ABCB7: variants seen among roughly 807,000 people sequenced by gnomAD.
The protein encoded by ABCB7 is ATP binding cassette subfamily B member 7.
ABCB7 carries 7 observed loss-of-function variants against 54.4 expected under a neutral mutation model. That is an observed-to-expected ratio of 0.13 (90% CI 0.07 to 0.24). ABCB7 has a LOEUF of 0.24. Ranked by LOEUF, ABCB7 falls within the 10% of genes least tolerant of loss-of-function variation. The probability of loss-of-function intolerance (pLI) is 1.00; values close to 1 mark genes in which losing one functional copy is unlikely to be tolerated. For missense variants in ABCB7, 356 were observed against 570.4 expected (o/e 0.62, Z 3.83); for synonymous variants, 218 against 207.1 (o/e 1.05, Z -0.45).
chrX:75,073,366 A>G (rs963398794), intron 8 of ABCB7, among the ~76,000 whole-genome samples: 30 of 111,647 alleles, frequency 2.7e-4, no homozygotes, highest in African/African-American at 9.8e-4. Flanking sequence ...CTACAATGTC[A>G]CTTGCTGACA....
chrX:75,117,228 A>G (rs2081828997), intron 1 of ABCB7, among the ~76,000 whole-genome samples: 1 of 109,580 alleles, frequency 9.1e-6, no homozygotes, highest in Non-Finnish European at 1.9e-5. Context: ...CAACCACATA[A>G]GAGACAATAC....
intron 15 of ABCB7, among the ~76,000 whole-genome samples, chrX:75,059,428 G>A (rs984957159): frequency 9.3e-6 from 1 of 107,766 alleles, no homozygotes; most frequent in Non-Finnish European, 1.9e-5. Context: ...CCGAGATCGC[G>A]CCACTGTACT....
rs769654110 is a variant in ABCB7, at chrX:75,120,132, T to C, written c.169-5301A>G. On this transcript the variant is annotated intron_variant, in intron 1 of 15. Transcript: ENST00000373394. ...TTAAAATGCTGCTGATCCTTTGTTT[T>C]ATTTTTCAGAGTCCAGAAAACTTTT... Among the ~76,000 whole-genome samples the C allele has an allele frequency of 2.7e-5, 3 of 112,362 alleles. No individual in the cohort carries two copies. The South Asian group carries it at 1.1e-3, about 41-fold the overall frequency.
chrX:75,149,206 T>C (rs896632091), intron 1 of ABCB7, among the ~76,000 whole-genome samples: 3 of 111,833 alleles, frequency 2.7e-5, no homozygotes, highest in African/African-American at 6.5e-5. Flanking sequence ...AGAGGACTAA[T>C]GAACATCCCA....
At chrX:75,114,130 C>G (rs1396224249) in intron 2 of ABCB7, among the ~76,000 whole-genome samples, 1 of 111,911 alleles carries the variant, frequency 8.9e-6, no homozygotes, top group African/African-American at 3.2e-5. Flanking sequence ...ATTTCTACAG[C>G]CTCTGCATAA....
At chrX:75,061,440 G>T (rs1392224905) in intron 14 of ABCB7, among the ~76,000 whole-genome samples, 1 of 111,209 alleles carries the variant, frequency 9.0e-6, no homozygotes, top group Non-Finnish European at 1.9e-5. Flanking sequence ...CTGTGAATGG[G>T]GTCTGGTCCT....
At chrX:75,087,660 C>T (rs992279835) in intron 4 of ABCB7, among the ~76,000 whole-genome samples, 4 of 111,295 alleles carry the variant, frequency 3.6e-5, no homozygotes, top group Non-Finnish European at 5.7e-5. Context: ...ATAACAGACA[C>T]GCAGAAGACT....
At chrX:75,153,123 G>A (rs1171650174) in intron 1 of ABCB7, among the ~76,000 whole-genome samples, 1 of 110,669 alleles carries the variant, frequency 9.0e-6, no homozygotes, top group African/African-American at 3.3e-5. Context: ...TGTCGCCCAG[G>A]CTGGAGTGCA....
intron 4 of ABCB7, among the ~76,000 whole-genome samples, chrX:75,079,930 C>G (rs915511394): frequency 8.9e-6 from 1 of 112,038 alleles, no homozygotes; most frequent in African/African-American, 3.2e-5. Context: ...TTGATCTCTA[C>G]AGTTTACTCA....
intron 3 of ABCB7, among the ~76,000 whole-genome samples, chrX:75,103,665 C>G (rs1016603091): frequency 9.2e-6 from 1 of 108,807 alleles, no homozygotes; most frequent in African/African-American, 3.3e-5. Flanking sequence ...GATGTTATAA[C>G]TATCCTTGTA....
intron 4 of ABCB7, among the ~76,000 whole-genome samples, chrX:75,096,903 G>A (rs2081596536): frequency 1.8e-5 from 2 of 109,782 alleles, no homozygotes; most frequent in South Asian, 7.9e-4. Context: ...TACTATTTCA[G>A]TACAAATTGC....
At chrX:75,084,200 T>C (rs1296787919) in intron 4 of ABCB7, among the ~76,000 whole-genome samples, 2 of 111,701 alleles carry the variant, frequency 1.8e-5, no homozygotes, top group Non-Finnish European at 3.8e-5. Flanking sequence ...ATGCCAAATA[T>C]CTTTATTTCG....
intron 6 of ABCB7, among the ~76,000 whole-genome samples, chrX:75,075,044 G>T (rs763389601): frequency 9.0e-6 from 1 of 111,516 alleles, no homozygotes; most frequent in East Asian, 2.8e-4. Context: ...TATGAATGGT[G>T]ATGAGAAACC....
At chrX:75,061,018 A>C (rs2081278689) in intron 14 of ABCB7, among the ~76,000 whole-genome samples, 1 of 111,733 alleles carries the variant, frequency 8.9e-6, no homozygotes, top group African/African-American at 3.3e-5. Flanking sequence ...GATATACCCA[A>C]ATTTCCTACA....
At position 75,053,244 on chromosome X, in the gene ABCB7, T is replaced by G. The variant is rs1389840947; in HGVS notation, c.*126A>C. On this transcript the variant is annotated 3_prime_UTR_variant, in exon 16 of 16. Coordinates refer to ENST00000373394, the MANE Select transcript of ABCB7 (RefSeq NM_001271696.3). ...AAGATGTAAAACTCAAATCCCCTTTTAAATAAATCTTATCTAAAAGAAGGA... is the reference window on the plus strand; with the variant it reads ...AAGATGTAAAACTCAAATCCCCTTTGAAATAAATCTTATCTAAAAGAAGGA... The G allele has an allele frequency of 1.1e-6, 1 of 917,192 alleles. No individual in the cohort carries two copies. Among genetic ancestry groups the G allele is most frequent in the Non-Finnish European group, 1.5e-6 (1 of 671,855 alleles). 75.6% of individuals were successfully genotyped at this position (917,192 alleles called of 1,213,427 possible).
chrX:75,075,703 C>A, intron 5 of ABCB7, 73 bp from the exon 6 acceptor site: 4 of 1,011,634 alleles, frequency 4.0e-6, no homozygotes, highest in Non-Finnish European at 5.4e-6. Context: ...ATGACAAGGG[C>A]TCAGAAAATG....
At chrX:75,105,874 A>G (rs943697728) in intron 3 of ABCB7, among the ~76,000 whole-genome samples, 1 of 111,932 alleles carries the variant, frequency 8.9e-6, no homozygotes, top group Admixed American at 9.5e-5. Flanking sequence ...AGTTGACAAA[A>G]GTATATACTG....
At chrX:75,089,670 A>G (rs1390522030) in intron 4 of ABCB7, among the ~76,000 whole-genome samples, 3 of 111,563 alleles carry the variant, frequency 2.7e-5, no homozygotes, top group Middle Eastern at 4.6e-3. Context: ...GAAGAAAGGA[A>G]ATGAACAGAA....
chrX:75,151,815 G>A (rs768488287), intron 1 of ABCB7, among the ~76,000 whole-genome samples: 2 of 111,986 alleles, frequency 1.8e-5, no homozygotes, highest in East Asian at 5.6e-4. Context: ...CTGGTCCAGT[G>A]TTCATCCCAC....
Sources: allele counts gnomAD v4.1 joint callset (sites outside exome capture counted in the v4.1 genomes callset), GRCh38; gene constraint gnomAD v4.1.1; transcripts MANE v1.5; gene names NCBI Gene and HGNC (gene_info 2026-07-23, HGNC 2026-07-21).